Variants in CLSTN2 observed in about 807,000 individuals in gnomAD.
CLSTN2 encodes calsyntenin-2.
In CLSTN2, 48 loss-of-function variants were observed where a neutral mutation model predicts 101.2. That is an observed-to-expected ratio of 0.47 (90% CI 0.38 to 0.60). The LOEUF (loss-of-function observed/expected upper bound fraction) is 0.60, where lower values mean the gene tolerates loss of function less well. Among genes scored for constraint, CLSTN2 ranks in the 20% least tolerant of loss-of-function variants. The pLI, the probability that CLSTN2 is intolerant of heterozygous loss-of-function variation, is 0.00. For synonymous variants in CLSTN2, 481 were observed against 463.6 expected (o/e 1.04, Z -0.48); for missense variants, 1,160 against 1,238.2 (o/e 0.94, Z 0.95).
intron 1 of CLSTN2, among the ~76,000 whole-genome samples, chr3:140,117,420 C>T (rs1157862473): frequency 6.6e-6 from 1 of 152,128 alleles, no homozygotes; most frequent in Non-Finnish European, 1.5e-5. Context: ...GCCTATAAAA[C>T]AGAGCTAACA....
At position 140,395,233 on chromosome 3, in the gene CLSTN2, T is replaced by C. The variant is rs141707331; in HGVS notation, c.233-8396T>C. On this transcript the variant is annotated intron_variant, in intron 2 of 16. Transcript: ENST00000458420. ...TTCTAAGTAGAAAGAAAGGTATAAA[T>C]GGTGAAAACTGCCCCCTCCCCCTGC... 4.7e-3 allele frequency among the ~76,000 whole-genome samples: 721 copies of C among 152,304 alleles called. 8 individuals are homozygous for C. The highest frequency in any genetic ancestry group is 0.017 in the African/African-American group (696 of 41,566).
chr3:140,030,877 T>G (rs1274280746), intron 1 of CLSTN2, among the ~76,000 whole-genome samples: 2 of 152,226 alleles, frequency 1.3e-5, no homozygotes, highest in East Asian at 3.9e-4. Flanking sequence ...ATTATTAAAA[T>G]CAGAGAAATT....
At chr3:140,240,805 C>G (rs1375992232) in intron 2 of CLSTN2, among the ~76,000 whole-genome samples, 1 of 152,126 alleles carries the variant, frequency 6.6e-6, no homozygotes, top group African/African-American at 2.4e-5. Context: ...AAAAGGTGTT[C>G]TGCAGCTGGG....
intron 2 of CLSTN2, among the ~76,000 whole-genome samples, chr3:140,178,445 C>A (rs2010357663): frequency 6.6e-6 from 1 of 152,224 alleles, no homozygotes; most frequent in Non-Finnish European, 1.5e-5. Flanking sequence ...TGTTCAGACA[C>A]TTCTTGAAAC....
chr3:140,111,463 A>T (rs1470526815), intron 1 of CLSTN2, among the ~76,000 whole-genome samples: 2 of 152,144 alleles, frequency 1.3e-5, no homozygotes, highest in African/African-American at 4.8e-5. Flanking sequence ...CCACCTTGAG[A>T]CAACCCCTGA....
At chr3:140,242,585 C>T (rs1196796857) in intron 2 of CLSTN2, among the ~76,000 whole-genome samples, 3 of 152,154 alleles carry the variant, frequency 2.0e-5, no homozygotes, top group Non-Finnish European at 4.4e-5. Flanking sequence ...ACTTTTTCCA[C>T]TTGGTTGGGA....
At chr3:140,481,738 G>C (rs1333171745) in intron 8 of CLSTN2, among the ~76,000 whole-genome samples, 5 of 152,090 alleles carry the variant, frequency 3.3e-5, no homozygotes, top group African/African-American at 1.2e-4. Flanking sequence ...CTCATTATTT[G>C]GCTCTCTGTT....
At chr3:140,555,958 T>C (rs1249069803) in intron 10 of CLSTN2, among the ~76,000 whole-genome samples, 4 of 152,162 alleles carry the variant, frequency 2.6e-5, no homozygotes, top group African/African-American at 9.7e-5. Context: ...GTACAACTCA[T>C]GGGAAACCAG....
intron 2 of CLSTN2, among the ~76,000 whole-genome samples, chr3:140,264,408 A>AT (rs1394724425): frequency 1.8e-5 from 1 of 56,014 alleles, no homozygotes; most frequent in Admixed American, 1.4e-4. Flanking sequence ...ATATATATAT[A>AT]TATATATATA....
At chr3:140,282,977 T>A (rs2107897893) in intron 2 of CLSTN2, among the ~76,000 whole-genome samples, 1 of 152,260 alleles carries the variant, frequency 6.6e-6, no homozygotes, top group South Asian at 2.1e-4. Context: ...GATGGCTTTC[T>A]CAACTAAAAT....
chr3:140,235,996 A>G (rs1405672621), intron 2 of CLSTN2, among the ~76,000 whole-genome samples: 2 of 152,160 alleles, frequency 1.3e-5, no homozygotes, highest in Non-Finnish European at 2.9e-5. Flanking sequence ...AGGACCCATG[A>G]GTTCCTGCCT....
chr3:140,562,767 C>T, intron 13 of CLSTN2, 44 bp from the exon 14 acceptor site: 2 of 1,605,246 alleles, frequency 1.2e-6, no homozygotes, highest in African/African-American at 1.3e-5. Context: ...TCTCTTCCTC[C>T]TCCTTTTCTG....
At chr3:140,449,005 G>A (rs2108009246) in intron 6 of CLSTN2, among the ~76,000 whole-genome samples, 1 of 152,286 alleles carries the variant, frequency 6.6e-6, no homozygotes, top group South Asian at 2.1e-4. Flanking sequence ...ACTTTCAGGA[G>A]TACCTAGGTC....
chr3:140,389,532 A>AT (rs2088089898), intron 2 of CLSTN2, among the ~76,000 whole-genome samples: 1 of 152,182 alleles, frequency 6.6e-6, no homozygotes, highest in Admixed American at 6.5e-5. Context: ...CCAGTCTATC[A>AT]TTGATGGGGA....
At chr3:140,468,097 G>A (rs759735737) in intron 8 of CLSTN2, among the ~76,000 whole-genome samples, 2 of 152,168 alleles carry the variant, frequency 1.3e-5, no homozygotes, top group Non-Finnish European at 2.9e-5. Flanking sequence ...ATGGCATCTT[G>A]ATTAGTCTAT....
chr3:139,970,731 A>G (rs1935682128), intron 1 of CLSTN2, among the ~76,000 whole-genome samples: 2 of 152,190 alleles, frequency 1.3e-5, no homozygotes, highest in Admixed American at 1.3e-4. Flanking sequence ...ATTGAGATGG[A>G]GCTGACCAGG....
At chr3:140,358,907 G>T (rs2087700277) in intron 2 of CLSTN2, among the ~76,000 whole-genome samples, 1 of 152,116 alleles carries the variant, frequency 6.6e-6, no homozygotes, top group Non-Finnish European at 1.5e-5. Context: ...ACACACCAAG[G>T]CTGTCACAGG....
chr3:139,985,524 A>C (rs1936007861), intron 1 of CLSTN2, among the ~76,000 whole-genome samples: 1 of 151,742 alleles, frequency 6.6e-6, no homozygotes, highest in Non-Finnish European at 1.5e-5. Context: ...ATGTCCTGAA[A>C]CTCTGACATT....
intron 2 of CLSTN2, among the ~76,000 whole-genome samples, chr3:140,333,470 G>A (rs567243268): frequency 3.5e-4 from 53 of 152,116 alleles, no homozygotes; most frequent in African/African-American, 1.3e-3. Context: ...AAAGCCCAAG[G>A]CCTTATCACA....
Sources: gnomAD v4.1 joint callset for allele counts (sites outside exome capture counted in the v4.1 genomes callset) on GRCh38, gnomAD v4.1.1 for gene constraint, MANE v1.5 for transcripts, NCBI Gene and HGNC (gene_info 2026-07-23, HGNC 2026-07-21) for gene names.